Variants in ATP13A3 observed in about 807,000 individuals in gnomAD.
ATP13A3 encodes the protein polyamine-transporting ATPase 13A3.
In ATP13A3, 59 loss-of-function variants were observed where a neutral mutation model predicts 158.1. The observed-to-expected ratio is 0.37, with a 90% confidence interval of 0.30 to 0.46. The LOEUF (loss-of-function observed/expected upper bound fraction) is 0.46. ATP13A3 is among the 20% of genes least tolerant of loss of function. The probability of loss-of-function intolerance (pLI) is 1.00; values close to 1 mark genes in which losing one functional copy is unlikely to be tolerated. For synonymous variants in ATP13A3, 491 were observed against 504.3 expected, an observed-to-expected ratio of 0.97 and a Z score of 0.35; for missense variants, 1,166 against 1,525.2, an observed-to-expected ratio of 0.76 and a Z score of 3.92.
intron 33 of ATP13A3, among the ~76,000 whole-genome samples, chr3:194,410,664 GGA>G (rs1190134093): frequency 6.6e-6 from 1 of 152,144 alleles, no homozygotes; most frequent in African/African-American, 2.4e-5. Context: ...TGAAAAGCAA[GGA>G]GAGTCTTCCA....
At position 194,429,157 on chromosome 3, in the gene ATP13A3, G is replaced by A. The variant is rs191576731; in HGVS notation, c.2875-240C>T. ...AAAATTCGTTCAATAGGCTGGGCGC[G>A]GTGACTCACACCTGTAATCCCAGCA... On this transcript the variant is annotated intron_variant, in intron 27 of 33. Transcript: ENST00000645319. Among the ~76,000 whole-genome samples, 139 of 152,112 alleles carry A rather than the reference G, an allele frequency of 9.1e-4. 1 individual carries two copies. The highest frequency in any genetic ancestry group is 3.2e-3 in the African/African-American group (131 of 41,468).
At chr3:194,476,561 T>A (rs530481168) in intron 2 of ATP13A3, among the ~76,000 whole-genome samples, 1 of 152,148 alleles carries the variant, frequency 6.6e-6, no homozygotes, top group Non-Finnish European at 1.5e-5. Context: ...ACTCATCTTT[T>A]GACTACCCTT....
At chr3:194,480,766 A>C (rs750561183) in intron 2 of ATP13A3, among the ~76,000 whole-genome samples, 14 of 152,216 alleles carry the variant, frequency 9.2e-5, no homozygotes, top group Admixed American at 2.6e-4. Flanking sequence ...TCTGGGGGGA[A>C]GCAACAGAGA....
Position 194,441,545 on chromosome 3 carries a change from TA to T in ATP13A3, c.1560-85del, listed in dbSNP as rs5855576. On this transcript the variant is annotated intron_variant, in intron 15 of 33. Transcript: ENST00000645319. ...AACAGGGCTTTTCTGGTTTTGTAAT[TA>T]AAAAAAAAATCTTTTAAATCCCAAT... 5,606 of 1,183,464 alleles carry T rather than the reference TA, an allele frequency of 4.7e-3. 1 individual carries two copies. Among genetic ancestry groups the T allele is most frequent in the South Asian group, 5.7e-3 (340 of 59,830 alleles). The allele number at this position is 1,183,464 out of a possible 1,614,324, so 73.3% of individuals were successfully genotyped here.
intron 20 of ATP13A3, 62 bp downstream of exon 20, chr3:194,437,033 G>T (rs1717692339): frequency 1.3e-6 from 2 of 1,540,994 alleles, no homozygotes; most frequent in East Asian, 2.2e-5. Context: ...AAATTACTGT[G>T]CATGACTAAT....
At chr3:194,461,542 C>T (rs1719663558) in intron 3 of ATP13A3, among the ~76,000 whole-genome samples, 1 of 152,186 alleles carries the variant, frequency 6.6e-6, no homozygotes, top group Non-Finnish European at 1.5e-5. Flanking sequence ...CAAACTGTCT[C>T]ATAGTTTCAG....
chr3:194,425,742 A>C (rs1716721837), intron 29 of ATP13A3, among the ~76,000 whole-genome samples: 1 of 152,230 alleles, frequency 6.6e-6, no homozygotes, highest in South Asian at 2.1e-4. Flanking sequence ...AACCACTTAA[A>C]AAATTAGAAT....
intron 15 of ATP13A3, among the ~76,000 whole-genome samples, chr3:194,444,227 A>G (rs1459263987): frequency 6.6e-6 from 1 of 152,262 alleles, no homozygotes; most frequent in Non-Finnish European, 1.5e-5. Flanking sequence ...AAGAACTTTA[A>G]TTCCAGCACT....
chr3:194,480,023 G>A (rs1469679813), intron 2 of ATP13A3, among the ~76,000 whole-genome samples: 1 of 152,122 alleles, frequency 6.6e-6, no homozygotes, highest in East Asian at 1.9e-4. Context: ...ATTATTGCCT[G>A]CTGTTCCAGT....
Position 194,402,729 on chromosome 3 carries a change from T to G in ATP13A3, c.*3190A>C, listed in dbSNP as rs1179824922. On this transcript the variant is annotated 3_prime_UTR_variant, in exon 34 of 34. Coordinates refer to ENST00000645319, the MANE Select transcript of ATP13A3 (RefSeq NM_001367549.1). ...ATAGCTTCAATCAAAAAAGGTTTCA[T>G]AAGATTATTTACAATGCTGAATGTA... 1 of 152,212 alleles carries G rather than the reference T, an allele frequency of 6.6e-6. No homozygotes were observed. The highest frequency in any genetic ancestry group is 2.4e-5 in the African/African-American group (1 of 41,454). 9.4% of individuals were successfully genotyped at this position (152,212 alleles called of 1,614,324 possible). A position where few individuals can be genotyped will look rare whatever the true frequency, so the allele number is the denominator to read the frequency against.
intron 33 of ATP13A3, among the ~76,000 whole-genome samples, chr3:194,410,329 A>AAAC (rs1715306316): frequency 1.3e-5 from 2 of 149,096 alleles, no homozygotes; most frequent in South Asian, 2.1e-4. Context: ...AAAAAAAAAA[A>AAAC]AACTGCTGGG....
At position 194,419,903 on chromosome 3, in the gene ATP13A3, A is replaced by C; in HGVS notation, c.3378T>G (p.Val1126=). 2.6e-6 allele frequency: 4 copies of C among 1,560,884 alleles called. No individual in the cohort carries two copies. Among genetic ancestry groups the C allele is most frequent in the Non-Finnish European group, 3.4e-6 (4 of 1,164,288 alleles). Residue 1126 remains valine, a synonymous_variant, in exon 31 of 34, where the codon GTT becomes GTG. Coordinates refer to ENST00000645319, the MANE Select transcript of ATP13A3 (RefSeq NM_001367549.1). ...CCTGAAGAACCTGGTCAACAGAGGC[A>C]ACTGGATACAACATGATGAATAATA... is the stretch of plus-strand genomic sequence containing the variant. ...IFILFIMLYP[V]ASVDQVLQIV...
chr3:194,448,602 T>G lies in ATP13A3; in HGVS notation c.1005A>C (p.Pro335=). Residue 335 remains proline (P), a synonymous_variant, in exon 12 of 34, where the codon CCA becomes CCC. Transcript: ENST00000645319. The surrounding 1 kb of genome is among the most constrained non-coding windows in gnomAD (Gnocchi z 4.0). ...ESVPVTKTNL[P]NPSVDVKGIG... ...TTCCTTTCACATCCACTGAAGGATTTGGCAAATTAGTCTTTGTCACTGGAA... is the reference window on the plus strand; with the variant it reads ...TTCCTTTCACATCCACTGAAGGATTGGGCAAATTAGTCTTTGTCACTGGAA... 6.2e-7 allele frequency: 1 copy of G among 1,613,388 alleles called. No homozygotes were observed. Among genetic ancestry groups the G allele is most frequent in the Non-Finnish European group, 8.5e-7 (1 of 1,179,804 alleles).
At chr3:194,426,181 T>C (rs1254540345) in intron 29 of ATP13A3, among the ~76,000 whole-genome samples, 4 of 151,716 alleles carry the variant, frequency 2.6e-5, no homozygotes, top group Admixed American at 6.6e-5. Context: ...TCAAGAAAAT[T>C]CCACCTCTTT....
chr3:194,455,922 G>A lies in ATP13A3; in HGVS notation c.601C>T (p.Pro201Ser). 6.4e-7 allele frequency: 1 copy of A among 1,552,482 alleles called. No homozygotes were observed. The change falls in exon 8 of 34, where the codon CCT (proline) becomes TCT (serine). Residue 201 changes from proline (P) to serine (S), a missense_variant. Physicochemically the swap from Pro to Ser is moderately conservative, Grantham distance 74. Coordinates refer to ENST00000645319, the MANE Select transcript of ATP13A3 (RefSeq NM_001367549.1). ...YGVNEIAVKVPSVFKLLIKEV... is the reference protein window; with the variant it reads ...YGVNEIAVKVSSVFKLLIKEV... ...TTAATTAGAAGCTTAAAAACAGAAG[G>A]CACTTTTACAGCAATTTCATTTACT... is the stretch of plus-strand genomic sequence containing the variant.
chr3:194,492,046 C>T (rs1482009510), intron 2 of ATP13A3, among the ~76,000 whole-genome samples: 2 of 152,126 alleles, frequency 1.3e-5, no homozygotes, highest in Non-Finnish European at 2.9e-5. Flanking sequence ...CACTTGCTTC[C>T]CACCTCACTT....
chr3:194,471,324 T>TA (rs59967046), intron 2 of ATP13A3, among the ~76,000 whole-genome samples: 12,673 of 87,732 alleles, frequency 0.14, 999 homozygotes, highest in African/African-American at 0.26. Flanking sequence ...CAGCAAATTC[T>TA]AAAAAAAAAA....
chr3:194,420,139 C>G, intron 30 of ATP13A3, 172 bp from the exon 31 acceptor site: 1 of 582,858 alleles, frequency 1.7e-6, no homozygotes, highest in Middle Eastern at 5.8e-4. Context: ...AGACATTGTT[C>G]GGGGCACCCA....
At chr3:194,445,788 A>C (rs1016218862) in intron 14 of ATP13A3, among the ~76,000 whole-genome samples, 3 of 152,226 alleles carry the variant, frequency 2.0e-5, no homozygotes, top group Non-Finnish European at 4.4e-5. Context: ...GTTTGATAGA[A>C]GGTTTTCTGG....
Sources: allele counts gnomAD v4.1 joint callset (sites outside exome capture counted in the v4.1 genomes callset), GRCh38; gene constraint gnomAD v4.1.1; non-coding constraint Gnocchi (gnomAD v3.1); transcripts MANE v1.5; gene names NCBI Gene and HGNC (gene_info 2026-07-23, HGNC 2026-07-21).